The following HSP90AA1 variants were observed in gnomAD, a reference collection of about 807,000 sequenced individuals.
HSP90AA1 encodes heat shock protein HSP 90-alpha.
HSP90AA1 carries 18 observed loss-of-function variants against 73.3 expected under a neutral mutation model. The observed-to-expected ratio is 0.25, with a 90% CI of 0.17 to 0.36. HSP90AA1 has a LOEUF of 0.36. HSP90AA1 is among the 10% of genes least tolerant of loss of function. The pLI is 1.00. For synonymous variants in HSP90AA1, 477 were observed against 296.9 expected (o/e 1.61, Z -6.24); for missense variants, 704 against 874.2 (o/e 0.81, Z 2.45).
chr14:102,094,523 G>A (rs1228351816), intron 2 of HSP90AA1, among the ~76,000 whole-genome samples: 1 of 152,186 alleles, frequency 6.6e-6, no homozygotes, highest in Non-Finnish European at 1.5e-5. Flanking sequence ...GCTGTGGGGA[G>A]GGAGTGTGGG....
At chr14:102,087,091 G>A, upstream of HSP90AA1, 16 of 984,172 alleles carry the variant, frequency 1.6e-5, no homozygotes, top group Non-Finnish European at 1.9e-5. Flanking sequence ...GGCCCGCCCA[G>A]CGCGCGGCGC....
chr14:102,103,180 C>CA (rs898771022), intron 1 of HSP90AA1, among the ~76,000 whole-genome samples: 1,907 of 34,936 alleles, frequency 0.055, 61 homozygotes, highest in Middle Eastern at 0.14. Flanking sequence ...GACTCAGTCT[C>CA]AAAAAAAAAA....
upstream of HSP90AA1, among the ~76,000 whole-genome samples, chr14:102,089,897 A>G (rs1171091354): frequency 6.6e-6 from 1 of 152,116 alleles, no homozygotes; most frequent in Admixed American, 6.5e-5. Context: ...GAAGGCCTCC[A>G]TAACCACCTA....
At chr14:102,086,931 G>A (rs2049255713) in intron 1 of HSP90AA1, 55 bp downstream of exon 1, 5 of 919,356 alleles carry the variant, frequency 5.4e-6, no homozygotes, top group Non-Finnish European at 5.2e-6. Context: ...CGCGCCAGCC[G>A]CCCCCAGTCC....
upstream of HSP90AA1, among the ~76,000 whole-genome samples, chr14:102,091,033 T>C (rs2049351306): frequency 6.6e-6 from 1 of 152,232 alleles, no homozygotes; most frequent in South Asian, 2.1e-4. Flanking sequence ...GAACATGTCT[T>C]CTTCATAGAG....
intron 1 of HSP90AA1, among the ~76,000 whole-genome samples, chr14:102,111,883 G>A (rs533400942): frequency 6.6e-6 from 1 of 152,316 alleles, no homozygotes; most frequent in South Asian, 2.1e-4. Context: ...GTTTTCAGTG[G>A]TGGTGTTTAC....
rs1453869895 is a variant in HSP90AA1 at position 102,085,135 on chromosome 14, T to C, written c.664-137A>G. 6 of 1,492,340 alleles carry C rather than the reference T, an allele frequency of 4.0e-6. No homozygotes were observed. The African/African-American group carries it at 4.2e-5, about 10-fold the overall frequency. The allele number at this position is 1,492,340 out of a possible 1,614,324, so 92.4% of individuals were successfully genotyped here. On this transcript the variant is annotated intron_variant, in intron 4 of 10. Coordinates refer to ENST00000216281, the MANE Select transcript of HSP90AA1 (RefSeq NM_005348.4). ...CACCCAGCTTTTCATCAATATTTGA[T>C]ACATCCACTTAATAGCCCGAGGAAC...
intron 1 of HSP90AA1, among the ~76,000 whole-genome samples, chr14:102,117,032 G>A (rs112441321): frequency 4.5e-4 from 68 of 152,000 alleles, no homozygotes; most frequent in African/African-American, 1.2e-3. Flanking sequence ...TGGGGGTTGA[G>A]CCTGGGCGCT....
At chr14:102,108,698 G>A (rs1024110313) in intron 1 of HSP90AA1, among the ~76,000 whole-genome samples, 1 of 151,392 alleles carries the variant, frequency 6.6e-6, no homozygotes, top group Non-Finnish European at 1.5e-5. Flanking sequence ...ACCACACCCA[G>A]CTAATTTTTT....
At chr14:102,134,590 G>A (rs745772424) in intron 1 of HSP90AA1, among the ~76,000 whole-genome samples, 1 of 152,014 alleles carries the variant, frequency 6.6e-6, no homozygotes, top group Non-Finnish European at 1.5e-5. Flanking sequence ...GGTCTCACTG[G>A]CTCAGGAGTG....
chr14:102,088,625 C>T (rs2049305480), upstream of HSP90AA1, among the ~76,000 whole-genome samples: 1 of 152,202 alleles, frequency 6.6e-6, no homozygotes, highest in African/African-American at 2.4e-5. Flanking sequence ...GTTGCGCAGC[C>T]TGGGGGCGCG....
chr14:102,084,238 G>A (rs1282911070), intron 6 of HSP90AA1, 161 bp downstream of exon 6: 10 of 713,004 alleles, frequency 1.4e-5, no homozygotes, highest in Non-Finnish European at 2.4e-5. Context: ...TAGAGATGGG[G>A]TTTCACCATG....
At chr14:102,107,301 C>G (rs1361859199) in intron 1 of HSP90AA1, among the ~76,000 whole-genome samples, 1 of 151,766 alleles carries the variant, frequency 6.6e-6, no homozygotes, top group Non-Finnish European at 1.5e-5. Flanking sequence ...ATGCTTGCTT[C>G]TTTCTTGGTT....
At chr14:102,132,821 G>A (rs921791798) in intron 1 of HSP90AA1, among the ~76,000 whole-genome samples, 2 of 151,520 alleles carry the variant, frequency 1.3e-5, no homozygotes, top group Non-Finnish European at 2.9e-5. Context: ...TTTAGCTGGC[G>A]TGGTGGTGCG....
rs1263355889 is a variant in HSP90AA1, at chr14:102,092,486, T to A, written c.367-6108A>T. Among the ~76,000 whole-genome samples the A allele has an allele frequency of 3.3e-5, 5 of 152,356 alleles. No individual in the cohort carries two copies. In the South Asian group the frequency reaches 1.0e-3, roughly 32 times the overall value. ...CAGAATATGGTCTATTTTGTTTAAA[T>A]GTTCTTTTTGAAAAATAATTATGCT... On this transcript the variant is annotated intron_variant, in intron 2 of 11. Coordinates refer to the HSP90AA1 transcript ENST00000334701.
At chr14:102,091,413 A>G (rs1050058008), upstream of HSP90AA1, among the ~76,000 whole-genome samples, 2 of 152,086 alleles carry the variant, frequency 1.3e-5, no homozygotes, top group Admixed American at 6.6e-5. Context: ...AATTGAGGTC[A>G]GAAGTTTGTG....
intron 9 of HSP90AA1, chr14:102,082,707 G>GC (rs1276298461): frequency 3.9e-6 from 2 of 517,638 alleles, no homozygotes; most frequent in Non-Finnish European, 6.9e-6. Context: ...TGCAACCTCC[G>GC]CCTCCTGGGT....
In HSP90AA1 at chr14:102,086,072, G is replaced by A. The variant is rs370038606; in HGVS notation, c.215C>T (p.Ser72Phe). ...ESLTDPSKLD[S>F]GKELHINLIP... The stretch of plus-strand genomic sequence containing the variant: ...AAGGTTAATATGCAGCTCTTTCCCA[G>A]AGTCTAATTTACTGGGATCTGTCAA... Residue 72 changes from serine (S) to phenylalanine (F), a missense_variant, in exon 3 of 11, where the codon TCT becomes TTT. Physicochemically the swap from Ser to Phe is radical, Grantham distance 155. Coordinates refer to ENST00000216281, the MANE Select transcript of HSP90AA1 (RefSeq NM_005348.4). The A allele has an allele frequency of 5.0e-6, 8 of 1,613,802 alleles. No individual in the cohort carries two copies. Among genetic ancestry groups the A allele is most frequent in the Non-Finnish European group, 6.8e-6 (8 of 1,179,866 alleles).
intron 1 of HSP90AA1, among the ~76,000 whole-genome samples, chr14:102,105,206 CA>C (rs35778744): frequency 4.8e-5 from 1 of 20,838 alleles, no homozygotes; most frequent in Non-Finnish European, 8.6e-5. Flanking sequence ...GAGTCTGTCT[CA>C]AAAAAAAAAA....
Sources: gnomAD v4.1 joint callset for allele counts (sites outside exome capture counted in the v4.1 genomes callset) on GRCh38, gnomAD v4.1.1 for gene constraint, MANE v1.5 for transcripts, NCBI Gene and HGNC (gene_info 2026-07-23, HGNC 2026-07-21) for gene names.